Variants in MGAM observed in about 807,000 individuals in gnomAD.
MGAM encodes maltase-glucoamylase.
Under a neutral mutation model 358.8 loss-of-function variants are expected in MGAM, and 253 were observed. The observed-to-expected ratio is 0.71, with a 90% CI of 0.64 to 0.78. The LOEUF (loss-of-function observed/expected upper bound fraction) is 0.78. Ranked by LOEUF, MGAM falls within the 30% of genes least tolerant of loss-of-function variation. The pLI is 0.00. For missense variants in MGAM, 3,080 were observed against 3,432.6 expected (o/e 0.90, Z 2.57); for synonymous variants, 1,105 against 1,227.1 (o/e 0.90, Z 2.08).
intron 3 of MGAM, among the ~76,000 whole-genome samples, chr7:142,008,946 C>T (rs191274643): frequency 6.3e-4 from 96 of 152,092 alleles, no homozygotes; most frequent in African/African-American, 2.3e-3. Context: ...AGTGCGGTTG[C>T]CCAGCCAAAT....
chr7:142,093,798 GACTC>G lies in MGAM; in HGVS notation c.7172+251_7172+254del, dbSNP rs1815629288. ...AAAGCTTAATGATCCTAGTGGGAAA[GACTC>G]ACATGGAGACATCATAATGATCACA... is the stretch of plus-strand genomic sequence containing the variant. On this transcript the variant is annotated intron_variant, in intron 60 of 70. Coordinates refer to ENST00000475668, the MANE Select transcript of MGAM (RefSeq NM_001365693.1). 2.1e-5 allele frequency among the ~76,000 whole-genome samples: 3 copies of G among 146,232 alleles called. No homozygotes were observed. In the South Asian group the frequency reaches 6.5e-4, roughly 32 times the overall value.
intron 69 of MGAM, among the ~76,000 whole-genome samples, chr7:142,102,906 C>T (rs911015160): frequency 1.3e-5 from 2 of 152,188 alleles, no homozygotes; most frequent in Non-Finnish European, 2.9e-5. Flanking sequence ...TCTAGTTTAC[C>T]ATGTTACAGG....
intron 21 of MGAM, among the ~76,000 whole-genome samples, chr7:142,042,021 AT>A (rs1808804969): frequency 1.3e-4 from 3 of 22,714 alleles, no homozygotes; most frequent in African/African-American, 3.2e-4. Flanking sequence ...TATAATATAT[AT>A]ATATTATATT....
rs548051835 is a variant in MGAM, at chr7:142,038,659, A to T, written c.2316+44A>T. The T allele has an allele frequency of 1.1e-4, 149 of 1,418,734 alleles. 3 individuals carry two copies. The South Asian group carries it at 1.9e-3, about 18-fold the overall frequency. The allele number at this position is 1,418,734 out of a possible 1,614,324, so 87.9% of individuals were successfully genotyped here. Reference sequence around the variant, plus strand: ...ATACACTAGAGATCTCTGCATCTGTATCTGCTGCCCTGCAAACTCCTCTCT... The same window carrying T: ...ATACACTAGAGATCTCTGCATCTGTTTCTGCTGCCCTGCAAACTCCTCTCT... On this transcript the variant is annotated intron_variant, in intron 19 of 70. Transcript: ENST00000475668.
chr7:142,093,833 C>T (rs1364968540), intron 60 of MGAM, among the ~76,000 whole-genome samples: 1 of 145,886 alleles, frequency 6.9e-6, no homozygotes. Context: ...TCACAGAGGG[C>T]AGCCGGTGGT....
chr7:142,052,378 A>G lies in MGAM; in HGVS notation c.2890A>G (p.Ile964Val), dbSNP rs1185035115. ...WSIKIRDEEK[I>V]DCYPDENGAS... ...CATAAAGATAAGGGATGAAGAAAAA[A>G]TAGACTGTTACCCTGATGAGAATGG... The change falls in exon 25 of 71, where the codon ATA becomes GTA. Residue 964 changes from isoleucine (I) to valine (V), a missense_variant. Physicochemically the swap from Ile to Val is conservative, Grantham distance 29 (BLOSUM62 3). Transcript: ENST00000475668. 6.2e-7 allele frequency: 1 copy of G among 1,612,896 alleles called. No individual in the cohort carries two copies. Among genetic ancestry groups the G allele is most frequent in the Admixed American group, 1.7e-5 (1 of 59,884 alleles).
chr7:142,036,915 A>T lies in MGAM; in HGVS notation c.2169A>T (p.Leu723=). 1 of 1,613,550 alleles carries T rather than the reference A, an allele frequency of 6.2e-7. No individual in the cohort carries two copies. Among genetic ancestry groups the T allele is most frequent in the South Asian group, 1.1e-5 (1 of 91,060 alleles). The change falls in exon 18 of 71, where the codon CTA becomes CTT. Residue 723 remains leucine, a synonymous_variant. Transcript: ENST00000475668. ...LNIRYTLLPY[L]YTLFFRAHSR... ...TCCGCTATACTCTATTGCCCTACCTATACACCCTCTTCTTCCGTGCTCACA... is the reference window on the plus strand; with the variant it reads ...TCCGCTATACTCTATTGCCCTACCTTTACACCCTCTTCTTCCGTGCTCACA...
At position 141,996,168 on chromosome 7, in the gene MGAM, C is replaced by T. The variant is rs149898962; in HGVS notation, c.-3+238C>T. On this transcript the variant is annotated intron_variant, in intron 1 of 70. Transcript: ENST00000475668. ...ACAAAAAATTAGCCGGGCATGGTGG[C>T]GGGCGCCTGTAGTCCCAGCTACTCG... Among the ~76,000 whole-genome samples, 226 of 151,854 alleles carry T rather than the reference C, an allele frequency of 1.5e-3. 3 individuals carry two copies. The East Asian group carries it at 0.021, about 14-fold the overall frequency.
chr7:142,038,946 C>G (rs1308989152), intron 19 of MGAM, among the ~76,000 whole-genome samples: 2 of 152,076 alleles, frequency 1.3e-5, no homozygotes, highest in Non-Finnish European at 2.9e-5. Context: ...TTCATTGGCT[C>G]ACAGTTCTGA....
chr7:142,005,263 T>C (rs1289274129), intron 1 of MGAM, among the ~76,000 whole-genome samples: 1 of 152,100 alleles, frequency 6.6e-6, no homozygotes, highest in Admixed American at 6.6e-5. Flanking sequence ...AAATTTCTTA[T>C]CTTTTAAAGA....
chr7:142,043,508 A>G lies in MGAM; in HGVS notation c.2498+2662A>G, dbSNP rs183370743. 1.1e-4 allele frequency among the ~76,000 whole-genome samples: 3 copies of G among 28,548 alleles called. 1 individual carries two copies. The highest frequency in any genetic ancestry group is 1.8e-4 in the Non-Finnish European group (2 of 11,142). The allele number at this position is 28,548 out of a possible 152,430, so 18.7% of individuals were successfully genotyped here. A position where few individuals can be genotyped will look rare whatever the true frequency, so the allele number is the denominator to read the frequency against. ...TAAATATAATATATATATTATATAT[A>G]CATATAATATCTAAATATAATATGA... On this transcript the variant is annotated intron_variant, in intron 21 of 70. Transcript: ENST00000475668.
rs140707815 is a variant in MGAM at position 142,085,985 on chromosome 7, C to T, written c.6636+24C>T. The T allele has an allele frequency of 1.1e-3, 1,743 of 1,555,184 alleles. 99 individuals carry two copies. In the African/African-American group the frequency reaches 0.019, roughly 17 times the overall value. On this transcript the variant is annotated intron_variant, in intron 55 of 70. Coordinates refer to ENST00000475668, the MANE Select transcript of MGAM (RefSeq NM_001365693.1). ...TGGTTAGTCCTGATGTGAATGTGTG[C>T]GGTCTGTTTGGGAGCAGGTATGGGT...
intron 35 of MGAM, among the ~76,000 whole-genome samples, chr7:142,063,097 C>T (rs1268091182): frequency 1.3e-5 from 2 of 152,098 alleles, no homozygotes; most frequent in African/African-American, 4.8e-5. Flanking sequence ...ATTTGGGTAG[C>T]TGAGGGAGGA....
At position 142,029,488 on chromosome 7, in the gene MGAM, A is replaced by G. The variant is rs535216263; in HGVS notation, c.1222-874A>G. Among the ~76,000 whole-genome samples, 8 of 152,218 alleles carry G rather than the reference A, an allele frequency of 5.3e-5. No homozygotes were observed. In the South Asian group the frequency reaches 1.7e-3, roughly 32 times the overall value. On this transcript the variant is annotated intron_variant, in intron 10 of 70. Transcript: ENST00000475668. ...TCTCTTTTTTTATGCCATTTTCCTT[A>G]CTTATAGATAGACATTTCCTTTTTA... is the stretch of plus-strand genomic sequence containing the variant.
chr7:142,055,862 T>C, intron 28 of MGAM, 136 bp downstream of exon 28: 1 of 1,466,452 alleles, frequency 6.8e-7, no homozygotes, highest in East Asian at 2.4e-5. Context: ...CTCAGGCTCC[T>C]TTGTTTCATG....
intron 68 of MGAM, among the ~76,000 whole-genome samples, chr7:142,102,239 G>T (rs1816504156): frequency 1.3e-5 from 2 of 152,174 alleles, no homozygotes; most frequent in Admixed American, 1.3e-4. Flanking sequence ...ATAAATGTGT[G>T]TGTGGAGATG....
At position 142,040,713 on chromosome 7, in the gene MGAM, A is replaced by G. The variant is rs557365828; in HGVS notation, c.2374-9A>G. ...ATGCCAATGTGTTTGATTTATCTGC[A>G]TGCATCAGGGGAGCCAAGTGAGATG... On this transcript the variant is annotated splice_polypyrimidine_tract_variant and intron_variant, in intron 20 of 70. Coordinates refer to ENST00000475668, the MANE Select transcript of MGAM (RefSeq NM_001365693.1). 7 of 1,612,762 alleles carry G rather than the reference A, an allele frequency of 4.3e-6. No homozygotes were observed. In the South Asian group the frequency reaches 5.5e-5, roughly 13 times the overall value.
At position 142,065,431 on chromosome 7, in the gene MGAM, C is replaced by T. The variant is rs779574602; in HGVS notation, c.4581C>T (p.Asn1527=). The change falls in exon 38 of 71, where the codon AAC becomes AAT. Residue 1527 remains asparagine, a synonymous_variant. Transcript: ENST00000475668. The stretch of plus-strand genomic sequence containing the variant: ...GGGCAGGACATTGGCTGGGAGACAA[C>T]ACGGCCGCATGGGATCAGCTGAAGA... ...GRWAGHWLGD[N]TAAWDQLKKS... 1.9e-6 allele frequency: 3 copies of T among 1,609,618 alleles called. No homozygotes were observed. Among genetic ancestry groups the T allele is most frequent in the Non-Finnish European group, 2.5e-6 (3 of 1,177,910 alleles).
chr7:142,062,851 A>C, intron 35 of MGAM, 149 bp downstream of exon 35: 3 of 1,386,982 alleles, frequency 2.2e-6, no homozygotes, highest in Non-Finnish European at 2.9e-6. Context: ...CAGGAGAGGA[A>C]CTGCCCTGGT....
Sources: allele counts gnomAD v4.1 joint callset (sites outside exome capture counted in the v4.1 genomes callset), GRCh38; gene constraint gnomAD v4.1.1; transcripts MANE v1.5; gene names NCBI Gene and HGNC (gene_info 2026-07-23, HGNC 2026-07-21).